The following RBFOX3 variants were observed in gnomAD, a reference collection of about 807,000 sequenced individuals.
RBFOX3 encodes the protein RNA binding fox-1 homolog 3, also known as RNA binding protein fox-1 homolog 3.
A neutral mutation model predicts 48.7 loss-of-function variants in RBFOX3; 17 were observed. The ratio of observed to expected loss-of-function variants is 0.35; its 90% CI spans 0.24 to 0.52. RBFOX3 has a LOEUF of 0.52. Ranked by LOEUF, RBFOX3 falls within the 20% of genes least tolerant of loss-of-function variation. The probability of loss-of-function intolerance (pLI) is 0.94; values close to 1 mark genes in which losing one functional copy is unlikely to be tolerated. For missense variants in RBFOX3, 382 were observed against 497.5 expected, an observed-to-expected ratio of 0.77 and a Z score of 2.21; for synonymous variants, 212 against 209.5, an observed-to-expected ratio of 1.01 and a Z score of -0.10.
chr17:79,646,466 C>T, the RBFOX3 span, among the ~76,000 whole-genome samples: 3 of 152,250 alleles, frequency 2.0e-5, no homozygotes, highest in South Asian at 4.2e-4. Context: ...ACAGTCATGG[C>T]AGAAGGCAAA....
chr17:79,109,349 G>A (rs2078061630), intron 5 of RBFOX3, among the ~76,000 whole-genome samples: 1 of 152,170 alleles, frequency 6.6e-6, no homozygotes, highest in Non-Finnish European at 1.5e-5. Context: ...GAGACTCCTG[G>A]TCTGGCTGGC....
the RBFOX3 span, among the ~76,000 whole-genome samples, chr17:79,623,823 T>TAAAAAAAAAAAAAAAA: frequency 9.4e-5 from 10 of 106,024 alleles, 1 homozygote; most frequent in African/African-American, 3.9e-4. Flanking sequence ...ACTCTGTCTC[T>TAAAAAAAAAAAAAAAA]AAAAAAAAAA....
intron 4 of RBFOX3, among the ~76,000 whole-genome samples, chr17:79,133,914 C>T (rs960361231): frequency 1.6e-4 from 24 of 152,246 alleles, no homozygotes; most frequent in African/African-American, 5.8e-4. Flanking sequence ...GGTTCCAGGG[C>T]CGCTTGCTCT....
intron 1 of RBFOX3, among the ~76,000 whole-genome samples, chr17:79,603,408 G>A (rs911638917): frequency 2.0e-5 from 3 of 152,156 alleles, no homozygotes; most frequent in Admixed American, 6.5e-5. Flanking sequence ...GGCCTGACCC[G>A]GGTAACAACT....
chr17:79,199,735 A>T lies in RBFOX3; in HGVS notation c.-34+36031T>A, dbSNP rs2056422784. ...TGGTGACCATATTGACACAGATATG[A>T]CATTGCTGCTGCTGTAGGATTTCTG... On this transcript the variant is annotated intron_variant, in intron 4 of 14. Coordinates refer to ENST00000693108, the MANE Select transcript of RBFOX3 (RefSeq NM_001350451.2). This position sits in a 1 kb window ranked among gnomAD's most constrained non-coding sequence, Gnocchi z 5.1. 6.6e-6 allele frequency among the ~76,000 whole-genome samples: 1 copy of T among 152,184 alleles called. No individual in the cohort carries two copies. The highest frequency in any genetic ancestry group is 1.5e-5 in the Non-Finnish European group (1 of 68,036).
intron 2 of RBFOX3, among the ~76,000 whole-genome samples, chr17:79,398,493 AGAGTAATTTTACCTCCT>A (rs1461703277): frequency 6.6e-6 from 1 of 152,088 alleles, no homozygotes; most frequent in Non-Finnish European, 1.5e-5. Flanking sequence ...CTCTCCACCG[AGAGTAATTTTACCTCCT>A]GGGGAGGGAC....
At chr17:79,425,494 G>A (rs977013238) in intron 2 of RBFOX3, among the ~76,000 whole-genome samples, 1 of 152,246 alleles carries the variant, frequency 6.6e-6, no homozygotes, top group Non-Finnish European at 1.5e-5. Context: ...GCCAAGGATG[G>A]TGCCCTAAAA....
intron 1 of RBFOX3, among the ~76,000 whole-genome samples, chr17:79,583,456 A>T (rs945172853): frequency 6.6e-6 from 1 of 152,204 alleles, no homozygotes; most frequent in African/African-American, 2.4e-5. Flanking sequence ...CTGGGGTCCA[A>T]ACTTCAGGGG....
intron 4 of RBFOX3, chr17:79,234,673 T>C (rs1847433088): frequency 6.6e-6 from 1 of 151,826 alleles, no homozygotes; most frequent in African/African-American, 2.4e-5. Context: ...CGATTGACTT[T>C]GAATTTTTCA....
At position 79,447,718 on chromosome 17, in the gene RBFOX3, G is replaced by A. The variant is rs185446748; in HGVS notation, c.-175+34736C>T. 9.0e-3 allele frequency among the ~76,000 whole-genome samples: 1,376 copies of A among 152,294 alleles called. 19 individuals are homozygous for A. Among genetic ancestry groups the A allele is most frequent in the Non-Finnish European group, 0.013 (872 of 68,020 alleles). On this transcript the variant is annotated intron_variant, in intron 2 of 14. Coordinates refer to ENST00000693108, the MANE Select transcript of RBFOX3 (RefSeq NM_001350451.2). ...GATTTGGAGGGCTCCTTCTCTCTCT[G>A]AAGCTTCATGCCATCCATGTGAGCA...
rs989492136 is a variant in RBFOX3, at chr17:79,198,475, C to T, written c.-34+37291G>A. Among the ~76,000 whole-genome samples the T allele has an allele frequency of 6.6e-6, 1 of 152,202 alleles. No homozygotes were observed. The highest frequency in any genetic ancestry group is 1.5e-5 in the Non-Finnish European group (1 of 68,036). On this transcript the variant is annotated intron_variant, in intron 4 of 14. Coordinates refer to ENST00000693108, the MANE Select transcript of RBFOX3 (RefSeq NM_001350451.2). This position sits in a 1 kb window ranked among gnomAD's most constrained non-coding sequence, Gnocchi z 8.2. ...AGTTCACAAATGTCACCTCAGTATG[C>T]CTCACTCAAGCCTGTGGGACAGATG...
intron 2 of RBFOX3, among the ~76,000 whole-genome samples, chr17:79,474,217 T>C (rs970460885): frequency 1.2e-4 from 19 of 152,342 alleles, no homozygotes; most frequent in Middle Eastern, 3.4e-3. Flanking sequence ...CTTAGGCTCT[T>C]GGATGCCGTT....
intron 2 of RBFOX3, among the ~76,000 whole-genome samples, chr17:79,459,899 C>A (rs1254689778): frequency 6.6e-6 from 1 of 152,118 alleles, no homozygotes; most frequent in African/African-American, 2.4e-5. Context: ...AGTCAATAGT[C>A]AAACGTCCCT....
At chr17:79,634,011 A>T in the RBFOX3 span, among the ~76,000 whole-genome samples, 4 of 152,152 alleles carry the variant, frequency 2.6e-5, no homozygotes, top group Non-Finnish European at 5.9e-5. Context: ...GTCTGCTGCT[A>T]TTAACATGTT....
intron 1 of RBFOX3, among the ~76,000 whole-genome samples, chr17:79,513,554 T>G (rs1475257926): frequency 6.6e-6 from 1 of 152,204 alleles, no homozygotes; most frequent in Non-Finnish European, 1.5e-5. Context: ...AGTGGGGGCC[T>G]TTCTTGGTGA....
rs1159850857 is a variant in RBFOX3, at chr17:79,507,900, AGGGCCAGTGAGG to A, written c.-319-25314_-319-25303del. Among the ~76,000 whole-genome samples the A allele has an allele frequency of 1.1e-3, 160 of 152,326 alleles. 1 individual carries two copies. Among genetic ancestry groups the A allele is most frequent in the Non-Finnish European group, 1.5e-3 (99 of 68,024 alleles). ...GGCCTGGGCAGCCCATCACAGTGACAGGGCCAGTGAGGGGGCCACACACTCCAGCATCTGCCA... is the reference window on the plus strand; with the variant it reads ...GGCCTGGGCAGCCCATCACAGTGACAGGGCCACACACTCCAGCATCTGCCA... On this transcript the variant is annotated intron_variant, in intron 1 of 14. Coordinates refer to ENST00000693108, the MANE Select transcript of RBFOX3 (RefSeq NM_001350451.2).
intron 1 of RBFOX3, among the ~76,000 whole-genome samples, chr17:79,570,797 C>G (rs923650838): frequency 2.6e-5 from 4 of 152,214 alleles, no homozygotes; most frequent in Admixed American, 6.5e-5. Flanking sequence ...CTGGGAACCC[C>G]TGATGCAGGG....
chr17:79,181,962 AACACACACACACACAC>A (rs56842759), intron 4 of RBFOX3, among the ~76,000 whole-genome samples: 18,275 of 148,380 alleles, frequency 0.12, 1,176 homozygotes, highest in Non-Finnish European at 0.16. Flanking sequence ...GTCTCCAAGA[AACACACACACACACAC>A]ACACACACAC....
chr17:79,342,013 G>A (rs572053483), intron 2 of RBFOX3, among the ~76,000 whole-genome samples: 17 of 152,320 alleles, frequency 1.1e-4, no homozygotes, highest in African/African-American at 4.1e-4. Flanking sequence ...CCCCCTCCCC[G>A]GCCCCCTCCC....
Sources: gnomAD v4.1 joint callset for allele counts (sites outside exome capture counted in the v4.1 genomes callset) on GRCh38, gnomAD v4.1.1 for gene constraint, Gnocchi (gnomAD v3.1) non-coding constraint, MANE v1.5 for transcripts, NCBI Gene and HGNC (gene_info 2026-07-23, HGNC 2026-07-21) for gene names.